Variants in PTPRT observed in about 807,000 individuals in gnomAD.
The protein encoded by PTPRT is receptor-type tyrosine-protein phosphatase T.
A neutral mutation model predicts 176.8 loss-of-function variants in PTPRT; 56 were observed. The observed-to-expected ratio is 0.32, with a 90% CI of 0.26 to 0.40. PTPRT has a LOEUF of 0.40. Ranked by LOEUF, PTPRT falls within the 10% of genes least tolerant of loss-of-function variation. The pLI, the probability that PTPRT is intolerant of heterozygous loss-of-function variation, is 1.00. For missense variants in PTPRT, 1,540 were observed against 1,908.2 expected, an observed-to-expected ratio of 0.81 and a Z score of 3.60; for synonymous variants, 783 against 739.0, an observed-to-expected ratio of 1.06 and a Z score of -0.96.
chr20:42,533,722 G>A (rs1367964885), intron 7 of PTPRT, among the ~76,000 whole-genome samples: 3 of 152,222 alleles, frequency 2.0e-5, no homozygotes, highest in African/African-American at 7.2e-5. Flanking sequence ...AATACAAGAT[G>A]CCTTGAGGTC....
intron 2 of PTPRT, among the ~76,000 whole-genome samples, chr20:42,792,796 G>A (rs2077396358): frequency 6.6e-6 from 1 of 152,126 alleles, no homozygotes; most frequent in Admixed American, 6.5e-5. Context: ...TAAGTGCTGG[G>A]AAACCCATAA....
chr20:42,597,474 G>A lies in PTPRT; in HGVS notation c.1153+80392C>T, dbSNP rs563485733. ...GAAGCAGACCCAGTGGGAGGTGACTGGATCATGGAGGCAGAGTTCTCATGA... is the reference window on the plus strand; with the variant it reads ...GAAGCAGACCCAGTGGGAGGTGACTAGATCATGGAGGCAGAGTTCTCATGA... On this transcript the variant is annotated intron_variant, in intron 7 of 30. Coordinates refer to ENST00000373187, the MANE Select transcript of PTPRT (RefSeq NM_007050.6). 2.0e-5 allele frequency among the ~76,000 whole-genome samples: 3 copies of A among 152,252 alleles called. No individual in the cohort carries two copies. The South Asian group carries it at 6.2e-4, about 32-fold the overall frequency.
intron 7 of PTPRT, among the ~76,000 whole-genome samples, chr20:42,511,983 G>A (rs1322556660): frequency 6.6e-6 from 1 of 152,084 alleles, no homozygotes; most frequent in African/African-American, 2.4e-5. Context: ...AGAGTAAATA[G>A]GAAAGGTTCT....
chr20:42,971,133 C>G (rs1982612656), intron 1 of PTPRT: 1 of 152,174 alleles, frequency 6.6e-6, no homozygotes, highest in South Asian at 2.1e-4. Flanking sequence ...ACTTCTGTCA[C>G]CTTTAGGAGA....
intron 19 of PTPRT, among the ~76,000 whole-genome samples, chr20:42,122,219 C>G (rs1987627371): frequency 6.6e-6 from 1 of 152,058 alleles, no homozygotes; most frequent in South Asian, 2.1e-4. Flanking sequence ...GTGTTGTTGA[C>G]CAGATTAAAT....
At chr20:42,161,601 C>T in intron 16 of PTPRT, 59 bp from the exon 17 acceptor site, 3 of 1,517,626 alleles carry the variant, frequency 2.0e-6, no homozygotes, top group East Asian at 2.3e-5. Flanking sequence ...CCTTTGTCCT[C>T]CCTGTCTCCC....
intron 24 of PTPRT, among the ~76,000 whole-genome samples, chr20:42,105,832 TG>T (rs1187722597): frequency 3.0e-4 from 45 of 152,326 alleles, no homozygotes; most frequent in African/African-American, 9.9e-4. Flanking sequence ...ACCAAAACCA[TG>T]GGTCACTTCC....
At chr20:42,882,661 C>A (rs1451650109) in intron 2 of PTPRT, among the ~76,000 whole-genome samples, 1 of 152,178 alleles carries the variant, frequency 6.6e-6, no homozygotes, top group East Asian at 1.9e-4. Context: ...CAACAAATTG[C>A]TAATTTAGTA....
chr20:42,036,778 C>G, the PTPRT span, among the ~76,000 whole-genome samples: 1 of 152,220 alleles, frequency 6.6e-6, no homozygotes, highest in Admixed American at 6.5e-5. Context: ...GGTGAGGAGA[C>G]CCAGGGAGTA....
At position 42,697,322 on chromosome 20, in the gene PTPRT, T is replaced by C. The variant is rs78985909; in HGVS notation, c.860-19163A>G. Among the ~76,000 whole-genome samples the C allele has an allele frequency of 3.3e-5, 5 of 152,338 alleles. No individual in the cohort carries two copies. In the East Asian group the frequency reaches 7.7e-4, roughly 24 times the overall value. Reference sequence around the variant, plus strand: ...GACACTGTCAAAGGAGGCATTTTAATGCACTTCAAGTGTGTCCAAACATTT... The same window carrying C: ...GACACTGTCAAAGGAGGCATTTTAACGCACTTCAAGTGTGTCCAAACATTT... On this transcript the variant is annotated intron_variant, in intron 6 of 30. Coordinates refer to ENST00000373187, the MANE Select transcript of PTPRT (RefSeq NM_007050.6).
At chr20:43,000,087 G>C (rs1333734968) in intron 1 of PTPRT, among the ~76,000 whole-genome samples, 1 of 129,012 alleles carries the variant, frequency 7.8e-6, no homozygotes, top group Non-Finnish European at 1.6e-5. Flanking sequence ...GGGAGGGAGG[G>C]AGGGAGGGAG....
At chr20:42,062,951 T>C in the PTPRT span, among the ~76,000 whole-genome samples, 1 of 152,258 alleles carries the variant, frequency 6.6e-6, no homozygotes, top group Non-Finnish European at 1.5e-5. Context: ...GCCAGCATCC[T>C]GGAGGATGCT....
intron 25 of PTPRT, among the ~76,000 whole-genome samples, chr20:42,103,962 A>G (rs991463715): frequency 3.9e-5 from 6 of 152,218 alleles, no homozygotes; most frequent in Non-Finnish European, 8.8e-5. Context: ...CTGAAAGTGC[A>G]TAGATCAGTT....
intron 6 of PTPRT, among the ~76,000 whole-genome samples, chr20:42,689,792 G>C (rs1187998593): frequency 6.6e-6 from 1 of 152,082 alleles, no homozygotes; most frequent in African/African-American, 2.4e-5. Flanking sequence ...TGGAGAAAGG[G>C]ACCACTAGGC....
At chr20:42,054,913 C>T in the PTPRT span, among the ~76,000 whole-genome samples, 1 of 152,222 alleles carries the variant, frequency 6.6e-6, no homozygotes, top group African/African-American at 2.4e-5. Context: ...CATGACCCGC[C>T]TCCTCTGACC....
intron 9 of PTPRT, among the ~76,000 whole-genome samples, chr20:42,380,826 T>TA (rs2058692346): frequency 6.6e-6 from 1 of 152,204 alleles, no homozygotes; most frequent in South Asian, 2.1e-4. Context: ...TGCATTGCTA[T>TA]AAAGAAATAC....
rs567045526 is a variant in PTPRT at position 42,463,706 on chromosome 20, T to C, written c.1450+8560A>G. On this transcript the variant is annotated intron_variant, in intron 8 of 30. Coordinates refer to ENST00000373187, the MANE Select transcript of PTPRT (RefSeq NM_007050.6). ...ATATGAGGAATACCAAGGTAGTATATATAAAAGCAGATAGCCATGTACAAT... is the reference window on the plus strand; with the variant it reads ...ATATGAGGAATACCAAGGTAGTATACATAAAAGCAGATAGCCATGTACAAT... Among the ~76,000 whole-genome samples, 3 of 152,274 alleles carry C rather than the reference T, an allele frequency of 2.0e-5. No homozygotes were observed. In the East Asian group the frequency reaches 5.8e-4, roughly 29 times the overall value.
intron 9 of PTPRT, among the ~76,000 whole-genome samples, chr20:42,407,859 A>G (rs1424958138): frequency 2.0e-5 from 3 of 152,130 alleles, no homozygotes; most frequent in Non-Finnish European, 2.9e-5. Context: ...GAGCAATAAT[A>G]AAAAAATCAG....
intron 7 of PTPRT, among the ~76,000 whole-genome samples, chr20:42,611,297 T>A (rs1029530628): frequency 2.0e-5 from 3 of 152,194 alleles, no homozygotes; most frequent in Admixed American, 2.0e-4. Flanking sequence ...TGTATGAGGA[T>A]CCAATTTTTT....
Sources: allele counts gnomAD v4.1 joint callset (sites outside exome capture counted in the v4.1 genomes callset), GRCh38; gene constraint gnomAD v4.1.1; transcripts MANE v1.5; gene names NCBI Gene and HGNC (gene_info 2026-07-23, HGNC 2026-07-21).